The following LRBA variants were observed in gnomAD, a reference collection of about 807,000 sequenced individuals.
LRBA encodes the protein lipopolysaccharide-responsive and beige-like anchor protein.
Under a neutral mutation model 330.0 loss-of-function variants are expected in LRBA, and 176 were observed. That is an observed-to-expected ratio of 0.53 (90% CI 0.47 to 0.60). The LOEUF (loss-of-function observed/expected upper bound fraction) is 0.60, where lower values mean the gene tolerates loss of function less well. LRBA is among the 20% of genes least tolerant of loss of function. LRBA has a pLI of 0.00. For synonymous variants in LRBA, 1,230 were observed against 1,193.0 expected, an observed-to-expected ratio of 1.03 and a Z score of -0.64; for missense variants, 3,259 against 3,444.8, an observed-to-expected ratio of 0.95 and a Z score of 1.35.
chr4:150,415,381 T>G, intron 47 of LRBA, 57 bp downstream of exon 47: 1 of 1,520,928 alleles, frequency 6.6e-7, no homozygotes, highest in Non-Finnish European at 9.0e-7. Flanking sequence ...CACCAACACA[T>G]GAAAGATGCT....
chr4:150,366,647 C>T (rs1291588491), intron 47 of LRBA, among the ~76,000 whole-genome samples: 1 of 152,144 alleles, frequency 6.6e-6, no homozygotes, highest in Non-Finnish European at 1.5e-5. Flanking sequence ...TAATGAGCCT[C>T]AAGTACCCTG....
chr4:150,659,032 A>G (rs1780660590), intron 37 of LRBA, among the ~76,000 whole-genome samples: 1 of 125,010 alleles, frequency 8.0e-6, no homozygotes, highest in Admixed American at 8.4e-5. Flanking sequence ...AATGGTGCCC[A>G]GGCTGGAGTG....
intron 44 of LRBA, among the ~76,000 whole-genome samples, chr4:150,454,972 ATTT>A (rs751715206): frequency 6.5e-5 from 8 of 122,572 alleles, no homozygotes; most frequent in East Asian, 2.5e-4. Flanking sequence ...GTTTTATTTT[ATTT>A]TTTATTTTTT....
At chr4:150,683,034 G>A (rs891105695) in intron 37 of LRBA, among the ~76,000 whole-genome samples, 3 of 151,748 alleles carry the variant, frequency 2.0e-5, no homozygotes, top group Non-Finnish European at 2.9e-5. Context: ...CTTTAAAGAA[G>A]GCATTTAACC....
chr4:150,992,493 A>G (rs1237289079), intron 2 of LRBA, among the ~76,000 whole-genome samples: 1 of 152,216 alleles, frequency 6.6e-6, no homozygotes, highest in Non-Finnish European at 1.5e-5. Flanking sequence ...CATACATGAT[A>G]AGATTTGTGT....
At chr4:150,546,446 A>G (rs1424525270) in intron 40 of LRBA, among the ~76,000 whole-genome samples, 2 of 152,156 alleles carry the variant, frequency 1.3e-5, no homozygotes, top group Non-Finnish European at 2.9e-5. Flanking sequence ...CTAAGCCTGC[A>G]TTTACCATAA....
rs1257991803 is a variant in LRBA at position 150,868,270 on chromosome 4, A to C, written c.2485T>G (p.Ser829Ala). 4 of 1,612,260 alleles carry C rather than the reference A, an allele frequency of 2.5e-6. No homozygotes were observed. The highest frequency in any genetic ancestry group is 2.5e-6 in the Non-Finnish European group (3 of 1,178,796). The change falls in exon 21 of 57, where the codon TCT becomes GCT. Residue 829 changes from serine to alanine, a missense_variant. Transcript: ENST00000651943. The stretch of plus-strand genomic sequence containing the variant: ...TCCATGCTCTCTGGGCACTGGGGAG[A>C]ATTTCGAAGTAGGGTCGCAATTACT... Reference protein sequence around the residue: ...LKVIATLLRNSPQCPESMEVR... With the variant: ...LKVIATLLRNAPQCPESMEVR...
chr4:150,290,533 G>C (rs940938497), intron 53 of LRBA, among the ~76,000 whole-genome samples: 6 of 152,054 alleles, frequency 3.9e-5, no homozygotes, highest in Non-Finnish European at 8.8e-5. Flanking sequence ...AATTTATCTT[G>C]CTGCTAGTTT....
intron 35 of LRBA, among the ~76,000 whole-genome samples, chr4:150,748,670 GAAA>G (rs554679047): frequency 8.6e-6 from 1 of 116,122 alleles, no homozygotes. Context: ...CCATCTCACA[GAAA>G]AAAAAAAAAA....
At chr4:150,553,058 G>A (rs1017850202) in intron 40 of LRBA, among the ~76,000 whole-genome samples, 4 of 150,900 alleles carry the variant, frequency 2.7e-5, no homozygotes, top group African/African-American at 7.3e-5. Flanking sequence ...GACAGAGCGA[G>A]GCTCTGTCTC....
intron 54 of LRBA, among the ~76,000 whole-genome samples, chr4:150,283,554 C>G (rs978623167): frequency 6.6e-6 from 1 of 152,200 alleles, no homozygotes; most frequent in Admixed American, 6.5e-5. Context: ...TGCCTTTTCC[C>G]CACAATGACT....
At chr4:150,871,764 A>G (rs1015449089) in intron 18 of LRBA, among the ~76,000 whole-genome samples, 1 of 152,196 alleles carries the variant, frequency 6.6e-6, no homozygotes, top group African/African-American at 2.4e-5. Flanking sequence ...AGTTGCTACA[A>G]TCTACCAGCA....
chr4:150,750,332 A>T (rs1163413646), intron 35 of LRBA, among the ~76,000 whole-genome samples: 1 of 152,182 alleles, frequency 6.6e-6, no homozygotes, highest in Admixed American at 6.5e-5. Flanking sequence ...TGGATACTGA[A>T]TGATAAAAAA....
intron 41 of LRBA, among the ~76,000 whole-genome samples, chr4:150,488,687 T>C (rs1168071352): frequency 1.3e-5 from 2 of 150,982 alleles, no homozygotes; most frequent in Non-Finnish European, 3.0e-5. Flanking sequence ...CAGAATCATA[T>C]GTAAGCTACA....
chr4:150,823,806 G>A (rs985142229), intron 30 of LRBA, among the ~76,000 whole-genome samples: 2 of 151,874 alleles, frequency 1.3e-5, no homozygotes, highest in Admixed American at 1.3e-4. Context: ...CTATTCCATT[G>A]GTCTATGTAT....
rs2126888066 is a variant in LRBA, at chr4:150,844,914, A to C, written c.4340-135T>G. The stretch of plus-strand genomic sequence containing the variant: ...CAGACGACATTCAGCTTATTCCTAA[A>C]ATGTCCCTAGACTTTATCGCCTAGT... On this transcript the variant is annotated intron_variant, in intron 26 of 56. Transcript: ENST00000651943. 3 of 711,218 alleles carry C rather than the reference A, an allele frequency of 4.2e-6. No homozygotes were observed. In the South Asian group the frequency reaches 5.6e-5, roughly 13 times the overall value. The allele number at this position is 711,218 out of a possible 1,614,324, so 44.1% of individuals were successfully genotyped here. A position where few individuals can be genotyped will look rare whatever the true frequency, so the allele number is the denominator to read the frequency against.
At chr4:150,311,762 G>A (rs1165377105) in intron 51 of LRBA, among the ~76,000 whole-genome samples, 1 of 152,182 alleles carries the variant, frequency 6.6e-6, no homozygotes, top group Non-Finnish European at 1.5e-5. Context: ...AATCCTAGTT[G>A]GGAATCATTT....
At chr4:150,635,234 G>A (rs1168233354) in intron 37 of LRBA, among the ~76,000 whole-genome samples, 1 of 152,070 alleles carries the variant, frequency 6.6e-6, no homozygotes, top group Non-Finnish European at 1.5e-5. Context: ...AGGAATATCA[G>A]CATGACTCCT....
At chr4:150,931,787 T>C (rs767070674) in intron 2 of LRBA, among the ~76,000 whole-genome samples, 1 of 152,008 alleles carries the variant, frequency 6.6e-6, no homozygotes, top group African/African-American at 2.4e-5. Context: ...TAGGGATAGC[T>C]ATATTCAAAT....
Sources: gnomAD v4.1 joint callset for allele counts (sites outside exome capture counted in the v4.1 genomes callset) on GRCh38, gnomAD v4.1.1 for gene constraint, MANE v1.5 for transcripts, NCBI Gene and HGNC (gene_info 2026-07-23, HGNC 2026-07-21) for gene names.